DAOA: variants seen among roughly 807,000 people sequenced by gnomAD.
DAOA encodes the protein D-amino acid oxidase activator.
A neutral mutation model predicts 16.4 loss-of-function variants in DAOA; 15 were observed. The observed-to-expected ratio is 0.91, with a 90% confidence interval of 0.61 to 1.41. The LOEUF (loss-of-function observed/expected upper bound fraction) is 1.41. DAOA is among the 40% of genes most tolerant of loss of function. The pLI, the probability that DAOA is intolerant of heterozygous loss-of-function variation, is 0.00. For missense variants in DAOA, 230 were observed against 176.8 expected (o/e 1.30, Z -1.71); for synonymous variants, 75 against 59.1 (o/e 1.27, Z -1.23).
At chr13:105,466,456 G>A (rs1361972767) in intron 2 of DAOA, 124 bp downstream of exon 2, 1 of 1,495,824 alleles carries the variant, frequency 6.7e-7, no homozygotes. Context: ...AGGGTTGGAA[G>A]CCTGAGCCCA....
chr13:105,488,438 G>T lies in DAOA; in HGVS notation c.282-1463G>T, dbSNP rs74114230. Among the ~76,000 whole-genome samples, 770 of 152,234 alleles carry T rather than the reference G, an allele frequency of 5.1e-3. 4 individuals carry two copies. The highest frequency in any genetic ancestry group is 0.015 in the African/African-American group (605 of 41,544). Reference sequence around the variant, plus strand: ...GTACACACAATGCTATTTGTAATTGGTACATTATTGGGTAATGACTGTAAC... The same window carrying T: ...GTACACACAATGCTATTTGTAATTGTTACATTATTGGGTAATGACTGTAAC... On this transcript the variant is annotated intron_variant, in intron 4 of 5. Coordinates refer to ENST00000375936, the MANE Select transcript of DAOA (RefSeq NM_172370.5).
chr13:105,486,756 T>G (rs1397390923), intron 4 of DAOA, among the ~76,000 whole-genome samples: 1 of 151,950 alleles, frequency 6.6e-6, no homozygotes, highest in Non-Finnish European at 1.5e-5. Context: ...GTAGCTGGGA[T>G]TACAGGCATC....
chr13:105,465,954 A>G (rs1330092423), upstream of DAOA: 1 of 234,512 alleles, frequency 4.3e-6, no homozygotes, highest in African/African-American at 2.3e-5. Context: ...AAAGAGATTA[A>G]CTACAACAAT....
intron 4 of DAOA, among the ~76,000 whole-genome samples, chr13:105,488,505 G>A (rs373874825): frequency 3.9e-5 from 6 of 152,032 alleles, no homozygotes; most frequent in African/African-American, 7.2e-5. Flanking sequence ...AACATCTTAC[G>A]TATATATTTC....
intron 4 of DAOA, 78 bp from the exon 5 acceptor site, chr13:105,489,823 A>T: frequency 6.2e-7 from 1 of 1,613,100 alleles, no homozygotes; most frequent in South Asian, 1.1e-5. Flanking sequence ...GGAACATGGG[A>T]AAGGTGATGA....
chr13:105,471,989 T>C (rs573182074), intron 3 of DAOA, among the ~76,000 whole-genome samples: 36 of 152,186 alleles, frequency 2.4e-4, no homozygotes, highest in Non-Finnish European at 4.0e-4. Context: ...AGAGGAATTA[T>C]TTAACCCTAT....
intron 4 of DAOA, among the ~76,000 whole-genome samples, chr13:105,478,151 G>C (rs1295969008): frequency 1.3e-5 from 2 of 152,130 alleles, no homozygotes; most frequent in Non-Finnish European, 2.9e-5. Context: ...AGTTTTCTTA[G>C]AACAACATCT....
intron 5 of DAOA, chr13:105,490,541 T>C (rs1275662481): frequency 2.0e-5 from 3 of 152,258 alleles, no homozygotes; most frequent in African/African-American, 7.2e-5. Flanking sequence ...TGGATTTATG[T>C]ATCTGATACA....
chr13:105,487,256 A>T (rs189039001), intron 4 of DAOA, among the ~76,000 whole-genome samples: 24 of 151,438 alleles, frequency 1.6e-4, no homozygotes, highest in Admixed American at 7.9e-4. Context: ...CTCCCCATTG[A>T]CTCCTCATGG....
intron 4 of DAOA, 33 bp downstream of exon 4, chr13:105,472,718 A>G (rs1364682626): frequency 8.3e-6 from 13 of 1,573,778 alleles, no homozygotes; most frequent in Non-Finnish European, 1.1e-5. Flanking sequence ...ACTTTTAACC[A>G]GGAGAAAGCT....
At chr13:105,473,103 C>T (rs1877089976) in intron 4 of DAOA, among the ~76,000 whole-genome samples, 1 of 151,970 alleles carries the variant, frequency 6.6e-6, no homozygotes, top group Admixed American at 6.6e-5. Context: ...CCTGCCCATA[C>T]ACAACAATAA....
At position 105,472,686 on chromosome 13, in the gene DAOA, G is replaced by T. The variant is rs999559381; in HGVS notation, c.281+1G>T. 6.3e-7 allele frequency: 1 copy of T among 1,597,854 alleles called. No individual in the cohort carries two copies. Among genetic ancestry groups the T allele is most frequent in the African/African-American group, 1.3e-5 (1 of 74,162 alleles). ...CTTACCTTCCTCAGCCCTATGCAGA[G>T]TATGTATCTTCTTCATTTTAAACTT... is the stretch of plus-strand genomic sequence containing the variant. On this transcript the variant is annotated splice_donor_variant, in intron 4 of 5. Transcript: ENST00000375936. LOFTEE classifies it high-confidence loss of function.
At chr13:105,474,996 A>G (rs1877237014) in intron 4 of DAOA, 1 of 985,778 alleles carries the variant, frequency 1.0e-6, no homozygotes, top group African/African-American at 1.7e-5. Context: ...GGTGATTCTA[A>G]ATGGCAATTT....
intron 4 of DAOA, among the ~76,000 whole-genome samples, chr13:105,482,523 T>C (rs1217039769): frequency 1.3e-5 from 2 of 148,892 alleles, no homozygotes; most frequent in Admixed American, 6.6e-5. Flanking sequence ...TTTTTTTTTT[T>C]CTTTGAGATG....
At chr13:105,472,438 A>G (rs1390528105) in intron 3 of DAOA, 100 bp from the exon 4 acceptor site, 4 of 1,408,108 alleles carry the variant, frequency 2.8e-6, no homozygotes, top group East Asian at 2.6e-5. Flanking sequence ...AGTAAAATGG[A>G]CAATTCCTAC....
intron 3 of DAOA, among the ~76,000 whole-genome samples, chr13:105,469,940 A>G (rs1241185369): frequency 6.6e-6 from 1 of 152,050 alleles, no homozygotes; most frequent in Admixed American, 6.6e-5. Context: ...TTTATTCCAT[A>G]TTGAGGGCTA....
chr13:105,473,810 C>T (rs1877157827), intron 4 of DAOA, among the ~76,000 whole-genome samples: 1 of 152,072 alleles, frequency 6.6e-6, no homozygotes, highest in South Asian at 2.1e-4. Flanking sequence ...TATTTCTACT[C>T]ATTTTCAATC....
chr13:105,476,280 T>G (rs1229759638), intron 4 of DAOA, among the ~76,000 whole-genome samples: 1 of 152,098 alleles, frequency 6.6e-6, no homozygotes, highest in Non-Finnish European at 1.5e-5. Context: ...TTTCTCACTT[T>G]TTTTCCTTCT....
At chr13:105,469,694 T>C (rs1876792335) in intron 3 of DAOA, among the ~76,000 whole-genome samples, 1 of 152,214 alleles carries the variant, frequency 6.6e-6, no homozygotes, top group Admixed American at 6.5e-5. Context: ...GTCTTTTTGG[T>C]AGCATTCCTT....
Sources: allele counts gnomAD v4.1 joint callset (sites outside exome capture counted in the v4.1 genomes callset), GRCh38; gene constraint gnomAD v4.1.1; transcripts MANE v1.5; gene names NCBI Gene and HGNC (gene_info 2026-07-23, HGNC 2026-07-21).